DOCK4: variants seen among roughly 807,000 people sequenced by gnomAD.
DOCK4 encodes the protein dedicator of cytokinesis protein 4.
Under a neutral mutation model 268.1 loss-of-function variants are expected in DOCK4, and 97 were observed. The observed-to-expected ratio is 0.36, with a 90% CI of 0.31 to 0.43. The LOEUF (loss-of-function observed/expected upper bound fraction) is 0.43. Among genes scored for constraint, DOCK4 ranks in the 20% least tolerant of loss-of-function variants. The pLI is 1.00. For synonymous variants in DOCK4, 954 were observed against 887.2 expected (o/e 1.08, Z -1.34); for missense variants, 2,145 against 2,455.7 (o/e 0.87, Z 2.67).
chr7:111,835,997 T>A (rs1280233346), intron 25 of DOCK4, among the ~76,000 whole-genome samples: 1 of 152,130 alleles, frequency 6.6e-6, no homozygotes, highest in Admixed American at 6.6e-5. Context: ...AGAAGAAACA[T>A]CCTTCAAGCT....
intron 1 of DOCK4, among the ~76,000 whole-genome samples, chr7:112,049,986 T>C (rs972782541): frequency 1.3e-5 from 2 of 152,202 alleles, no homozygotes; most frequent in African/African-American, 4.8e-5. Flanking sequence ...GTTTCATTTC[T>C]TTTTCTATAT....
intron 25 of DOCK4, among the ~76,000 whole-genome samples, chr7:111,844,508 T>G (rs1803941790): frequency 6.6e-6 from 1 of 152,232 alleles, no homozygotes; most frequent in South Asian, 2.1e-4. Context: ...CTTGGGTTAA[T>G]TTAAACCGGG....
chr7:112,137,378 A>G (rs1179801912), intron 1 of DOCK4, among the ~76,000 whole-genome samples: 1 of 152,146 alleles, frequency 6.6e-6, no homozygotes, highest in African/African-American at 2.4e-5. Flanking sequence ...AGGAGGTTAC[A>G]TTTCTCCACA....
Position 112,206,165 on chromosome 7 carries a change from G to T in DOCK4, c.-27C>A. On this transcript the variant is annotated 5_prime_UTR_variant, in exon 1 of 53. Transcript: ENST00000428084. ...GCTAAAGGGGCTCCGGGGTCTTCAG[G>T]CTTTGTAATCCCCGCGCCCCTTCTC... 1 of 1,567,196 alleles carries T rather than the reference G, an allele frequency of 6.4e-7. No individual in the cohort carries two copies. Among genetic ancestry groups the T allele is most frequent in the Non-Finnish European group, 8.7e-7 (1 of 1,155,466 alleles).
rs551034895 is a variant in DOCK4, at chr7:111,787,850, A to G, written c.3401+812T>C. Among the ~76,000 whole-genome samples, 6 of 152,360 alleles carry G rather than the reference A, an allele frequency of 3.9e-5. No homozygotes were observed. In the East Asian group the frequency reaches 1.2e-3, roughly 29 times the overall value. On this transcript the variant is annotated intron_variant, in intron 32 of 52. Coordinates refer to ENST00000428084, the MANE Select transcript of DOCK4 (RefSeq NM_001363540.2). The stretch of plus-strand genomic sequence containing the variant: ...AACATTTTTCAAGCACAATAAGCAA[A>G]TTCTTCTTTCAAAAAGAAATACTTT...
Position 111,726,997 on chromosome 7 carries a change from A to G in DOCK4, c.*1277T>C, listed in dbSNP as rs1260794585. ...AGCTTCCCAACAAAAGAGGGAAAATATTTAACAGTATGATTTAAAATACAG... is the reference window on the plus strand; with the variant it reads ...AGCTTCCCAACAAAAGAGGGAAAATGTTTAACAGTATGATTTAAAATACAG... On this transcript the variant is annotated 3_prime_UTR_variant, in exon 53 of 53. Transcript: ENST00000428084. 6.6e-6 allele frequency: 1 copy of G among 152,586 alleles called. No individual in the cohort carries two copies. The highest frequency in any genetic ancestry group is 1.5e-5 in the Non-Finnish European group (1 of 68,032). The allele number at this position is 152,586 out of a possible 1,614,324, so 9.5% of individuals were successfully genotyped here. A position where few individuals can be genotyped will look rare whatever the true frequency, so the allele number is the denominator to read the frequency against.
In DOCK4 at chr7:111,844,851, A is replaced by G; in HGVS notation, c.2648T>C (p.Leu883Pro). ...EEIDVIVASL[L>P]DILLRTILEI... ...CAATATGGTCCTCAGCAGAATATCC[A>G]GCAAGCTGGCCACTATCACATCTAT... is the stretch of plus-strand genomic sequence containing the variant. The change falls in exon 25 of 53, where the codon CTG (leucine) becomes CCG (proline). Residue 883 changes from leucine to proline, a missense_variant. By Grantham distance (98) the Leu-to-Pro change is moderately conservative (BLOSUM62 -3). Transcript: ENST00000428084. 6.2e-7 allele frequency: 1 copy of G among 1,613,598 alleles called. No homozygotes were observed.
At chr7:111,800,511 T>C (rs1800195115) in intron 30 of DOCK4, among the ~76,000 whole-genome samples, 1 of 152,158 alleles carries the variant, frequency 6.6e-6, no homozygotes, top group African/African-American at 2.4e-5. Flanking sequence ...TTTCTGGTAA[T>C]GTACAGCGAC....
chr7:112,164,254 G>C (rs908293916), intron 1 of DOCK4, among the ~76,000 whole-genome samples: 2 of 151,986 alleles, frequency 1.3e-5, no homozygotes, highest in African/African-American at 4.8e-5. Context: ...CTGGGTGACA[G>C]AGTGAGACCC....
chr7:111,962,657 C>T (rs986714477), intron 8 of DOCK4, among the ~76,000 whole-genome samples: 6 of 145,746 alleles, frequency 4.1e-5, no homozygotes, highest in Non-Finnish European at 5.9e-5. Context: ...AAATCTTTAC[C>T]TCACCAATTG....
At chr7:112,134,717 A>G (rs1029947149) in intron 1 of DOCK4, among the ~76,000 whole-genome samples, 18 of 152,236 alleles carry the variant, frequency 1.2e-4, no homozygotes, top group African/African-American at 4.1e-4. Flanking sequence ...CTCCATCTCA[A>G]ATAAAGAAAG....
At chr7:111,973,676 CT>C (rs72147258) in intron 8 of DOCK4, among the ~76,000 whole-genome samples, 27,916 of 144,944 alleles carry the variant, frequency 0.19, 4,572 homozygotes, top group African/African-American at 0.44. Context: ...TTTAGAGTTC[CT>C]TTTTTTTTTT....
At chr7:111,791,809 A>G (rs1232049603) in intron 30 of DOCK4, among the ~76,000 whole-genome samples, 1 of 152,156 alleles carries the variant, frequency 6.6e-6, no homozygotes, top group African/African-American at 2.4e-5. Flanking sequence ...GGCTCAAGCC[A>G]TCCACCCGCC....
chr7:111,806,875 A>G (rs1800714153), intron 30 of DOCK4, among the ~76,000 whole-genome samples: 1 of 152,258 alleles, frequency 6.6e-6, no homozygotes, highest in Non-Finnish European at 1.5e-5. Context: ...TAGATCTCTG[A>G]GAAAAACAGA....
intron 8 of DOCK4, among the ~76,000 whole-genome samples, chr7:111,960,775 G>A (rs1324772006): frequency 6.6e-6 from 1 of 151,918 alleles, no homozygotes; most frequent in African/African-American, 2.4e-5. Flanking sequence ...GTGAGATCAT[G>A]CACTCTTTGT....
intron 1 of DOCK4, among the ~76,000 whole-genome samples, chr7:112,128,544 T>C (rs1298995440): frequency 3.9e-5 from 6 of 152,224 alleles, no homozygotes; most frequent in African/African-American, 1.4e-4. Context: ...GAAGTAGACA[T>C]GGGAGACTTC....
intron 1 of DOCK4, among the ~76,000 whole-genome samples, chr7:112,158,207 T>C (rs1816792684): frequency 6.6e-6 from 1 of 152,182 alleles, no homozygotes; most frequent in African/African-American, 2.4e-5. Flanking sequence ...GTCTTGGGAA[T>C]AATACATTTA....
At chr7:111,894,717 T>A (rs1225618348) in intron 16 of DOCK4, among the ~76,000 whole-genome samples, 2 of 152,150 alleles carry the variant, frequency 1.3e-5, no homozygotes, top group African/African-American at 2.4e-5. Flanking sequence ...GGTTGTAGCA[T>A]CAAGAGGCCG....
intron 23 of DOCK4, among the ~76,000 whole-genome samples, chr7:111,850,413 T>C (rs1264682293): frequency 2.0e-5 from 3 of 152,022 alleles, no homozygotes; most frequent in Non-Finnish European, 2.9e-5. Context: ...AGCCCAATCT[T>C]TCTCCCTTAT....
Sources: allele counts gnomAD v4.1 joint callset (sites outside exome capture counted in the v4.1 genomes callset), GRCh38; gene constraint gnomAD v4.1.1; transcripts MANE v1.5; gene names NCBI Gene and HGNC (gene_info 2026-07-23, HGNC 2026-07-21).